Variants in RBFOX1 observed in about 807,000 individuals in gnomAD.
RBFOX1 encodes the protein RNA binding protein fox-1 homolog 1.
A neutral mutation model predicts 57.7 loss-of-function variants in RBFOX1; 8 were observed. That is an observed-to-expected ratio of 0.14 (90% CI 0.08 to 0.25). The LOEUF (loss-of-function observed/expected upper bound fraction) is 0.25, where lower values mean the gene tolerates loss of function less well. RBFOX1 is among the 10% of genes least tolerant of loss of function. The pLI is 1.00. For missense variants in RBFOX1, 611 were observed against 548.5 expected (o/e 1.11, Z -1.14); for synonymous variants, 326 against 222.4 (o/e 1.47, Z -4.15).
chr16:7,076,166 C>A (rs777431713), intron 4 of RBFOX1, among the ~76,000 whole-genome samples: 2 of 151,550 alleles, frequency 1.3e-5, no homozygotes, highest in Non-Finnish European at 2.9e-5. Context: ...CTCAGCCTCT[C>A]GAGTACCTAG....
chr16:7,603,948 G>A (rs1262105743), intron 9 of RBFOX1, among the ~76,000 whole-genome samples: 1 of 152,164 alleles, frequency 6.6e-6, no homozygotes, highest in African/African-American at 2.4e-5. Flanking sequence ...AGAGGAGACA[G>A]TGAGAATTAG....
At chr16:6,753,849 G>T (rs951140793) in intron 3 of RBFOX1, among the ~76,000 whole-genome samples, 1 of 152,024 alleles carries the variant, frequency 6.6e-6, no homozygotes, top group Non-Finnish European at 1.5e-5. Context: ...GATTTTTGCC[G>T]AGCTGAGTTT....
intron 1 of RBFOX1, among the ~76,000 whole-genome samples, chr16:6,117,284 C>G (rs2096506891): frequency 6.6e-6 from 1 of 150,644 alleles, no homozygotes; most frequent in African/African-American, 2.4e-5. Context: ...GCTAAACGTA[C>G]AAAAAAAAAT....
At chr16:5,406,113 CATTCATTCATTT>C (rs1466229094) in intron 1 of RBFOX1, among the ~76,000 whole-genome samples, 1 of 152,136 alleles carries the variant, frequency 6.6e-6, no homozygotes, top group Non-Finnish European at 1.5e-5. Flanking sequence ...TTCTTTTATT[CATTCATTCATTT>C]ATTCATTCAT....
At chr16:6,001,786 G>T (rs2060604144) in intron 4 of RBFOX1, among the ~76,000 whole-genome samples, 1 of 152,018 alleles carries the variant, frequency 6.6e-6, no homozygotes, top group Admixed American at 6.6e-5. Flanking sequence ...AAGCCATGAG[G>T]GTGGTGCACA....
chr16:6,455,624 G>A (rs1037449165), intron 2 of RBFOX1, among the ~76,000 whole-genome samples: 3 of 152,134 alleles, frequency 2.0e-5, no homozygotes, highest in Non-Finnish European at 4.4e-5. Context: ...CTTCTTGTCC[G>A]AGGCTTACCA....
intron 4 of RBFOX1, among the ~76,000 whole-genome samples, chr16:7,436,873 C>T (rs977316904): frequency 6.6e-6 from 1 of 151,904 alleles, no homozygotes; most frequent in African/African-American, 2.4e-5. Flanking sequence ...ACCAGCCTGG[C>T]AAATATGGCG....
intron 1 of RBFOX1, among the ~76,000 whole-genome samples, chr16:5,295,746 C>A (rs573486076): frequency 1.6e-4 from 24 of 152,328 alleles, no homozygotes; most frequent in African/African-American, 5.8e-4. Context: ...ATCACCTCTG[C>A]CATATGCCAT....
intron 3 of RBFOX1, among the ~76,000 whole-genome samples, chr16:6,711,670 C>T (rs1356534679): frequency 6.6e-6 from 1 of 152,164 alleles, no homozygotes; most frequent in East Asian, 1.9e-4. Flanking sequence ...AACTGTGAAT[C>T]AGTTAAACTT....
At chr16:7,330,754 CTA>C (rs2096679169) in intron 4 of RBFOX1, among the ~76,000 whole-genome samples, 1 of 151,844 alleles carries the variant, frequency 6.6e-6, no homozygotes, top group African/African-American at 2.4e-5. Context: ...AGTGGTCTTT[CTA>C]TTTTACAACA....
rs940817084 is a variant in RBFOX1 at position 6,127,442 on chromosome 16, C to T, written c.-127+107450C>T. Reference sequence around the variant, plus strand: ...TTGAGCATTATATGCCAAGCCCTGACGTAGGCAAGGCAGGGATTTGAAAGA... The same window carrying T: ...TTGAGCATTATATGCCAAGCCCTGATGTAGGCAAGGCAGGGATTTGAAAGA... On this transcript the variant is annotated intron_variant, in intron 1 of 15. Transcript: ENST00000550418. Among the ~76,000 whole-genome samples the T allele has an allele frequency of 6.6e-5, 10 of 152,136 alleles. No individual in the cohort carries two copies. The South Asian group carries it at 1.0e-3, about 16-fold the overall frequency.
chr16:7,437,191 A>G lies in RBFOX1; in HGVS notation c.28-80956A>G, dbSNP rs561918952. On this transcript the variant is annotated intron_variant, in intron 4 of 15. Coordinates refer to ENST00000550418, the MANE Select transcript of RBFOX1 (RefSeq NM_018723.4). ...TGATACTGTGCTAGTAGAATTTTCC[A>G]AGTTCACAATCACAAACAAACATAC... Among the ~76,000 whole-genome samples the G allele has an allele frequency of 2.3e-3, 345 of 152,226 alleles. 1 individual carries two copies. The highest frequency in any genetic ancestry group is 0.01 in the Middle Eastern group (3 of 294).
chr16:5,240,735 C>T (rs987132831), intron 1 of RBFOX1, among the ~76,000 whole-genome samples: 4 of 152,204 alleles, frequency 2.6e-5, no homozygotes, highest in East Asian at 1.9e-4. Flanking sequence ...GGGCGCTGTC[C>T]CTGTGAGCTC....
intron 3 of RBFOX1, among the ~76,000 whole-genome samples, chr16:5,633,111 G>T (rs1407222011): frequency 1.3e-5 from 2 of 152,026 alleles, no homozygotes; most frequent in Non-Finnish European, 2.9e-5. Context: ...GCTAATTTTT[G>T]TATTTTTAAT....
At chr16:5,261,549 G>GTTTTT (rs4047465) in intron 1 of RBFOX1, among the ~76,000 whole-genome samples, 1 of 120,494 alleles carries the variant, frequency 8.3e-6, no homozygotes, top group Non-Finnish European at 1.7e-5. Context: ...TGTGTGTATG[G>GTTTTT]TTTTTTTTTT....
At chr16:6,773,984 T>G in intron 3 of RBFOX1, 1 of 985,350 alleles carries the variant, frequency 1.0e-6, no homozygotes, top group Non-Finnish European at 1.2e-6. Flanking sequence ...CGTTTTCAAC[T>G]GAACCTGTAA....
chr16:5,791,679 C>T (rs1465784383), intron 3 of RBFOX1, among the ~76,000 whole-genome samples: 1 of 152,278 alleles, frequency 6.6e-6, no homozygotes, highest in East Asian at 1.9e-4. Flanking sequence ...TCTGGCTAAC[C>T]ACAGACTGCA....
At chr16:7,160,299 C>A (rs900967389) in intron 4 of RBFOX1, among the ~76,000 whole-genome samples, 1 of 151,920 alleles carries the variant, frequency 6.6e-6, no homozygotes, top group Non-Finnish European at 1.5e-5. Flanking sequence ...AGGCAAGTTG[C>A]ATTAGTCTTC....
rs76101348 is a variant in RBFOX1, at chr16:7,147,298, C to T, written c.27+95200C>T. Among the ~76,000 whole-genome samples the T allele has an allele frequency of 4.0e-3, 600 of 151,816 alleles. 7 individuals are homozygous for T. The highest frequency in any genetic ancestry group is 0.014 in the African/African-American group (571 of 41,406). On this transcript the variant is annotated intron_variant, in intron 4 of 15. Coordinates refer to ENST00000550418, the MANE Select transcript of RBFOX1 (RefSeq NM_018723.4). ...GGGATTACAGGCATGAGCCACCACA[C>T]CTGGCCCTATTTTTAATTTTTTTTT... is the stretch of plus-strand genomic sequence containing the variant.
Sources: gnomAD v4.1 joint callset for allele counts (sites outside exome capture counted in the v4.1 genomes callset) on GRCh38, gnomAD v4.1.1 for gene constraint, MANE v1.5 for transcripts, NCBI Gene and HGNC (gene_info 2026-07-23, HGNC 2026-07-21) for gene names.